The following FNIP2 variants were observed in gnomAD, a reference collection of about 807,000 sequenced individuals.
FNIP2 encodes the protein folliculin interacting protein 2, also known as folliculin-interacting protein 2.
FNIP2 carries 32 observed loss-of-function variants against 108.7 expected under a neutral mutation model. That is an observed-to-expected ratio of 0.29 (90% confidence interval 0.22 to 0.40). The LOEUF (loss-of-function observed/expected upper bound fraction) is 0.40. Among genes scored for constraint, FNIP2 ranks in the 10% least tolerant of loss-of-function variants. The probability of loss-of-function intolerance (pLI) is 1.00; values close to 1 mark genes in which losing one functional copy is unlikely to be tolerated. For missense variants in FNIP2, 1,202 were observed against 1,381.6 expected (o/e 0.87, Z 2.06); for synonymous variants, 480 against 496.7 (o/e 0.97, Z 0.45).
At chr4:158,881,575 C>G (rs1157800855) in intron 14 of FNIP2, among the ~76,000 whole-genome samples, 2 of 151,896 alleles carry the variant, frequency 1.3e-5, no homozygotes, top group African/African-American at 4.8e-5. Context: ...CTCAGCCTGC[C>G]AAGTGCCTGT....
intron 16 of FNIP2, among the ~76,000 whole-genome samples, chr4:158,897,219 A>G (rs1400772957): frequency 1.3e-5 from 2 of 151,978 alleles, no homozygotes; most frequent in African/African-American, 2.4e-5. Context: ...TATGTGCCAC[A>G]TTTTCTTTAT....
chr4:158,858,980 A>G, intron 8 of FNIP2, 77 bp from the exon 9 acceptor site: 3 of 1,177,268 alleles, frequency 2.5e-6, no homozygotes, highest in Non-Finnish European at 3.7e-6. Flanking sequence ...TCTGGGTGTC[A>G]TCCCCAGTCA....
intron 12 of FNIP2, among the ~76,000 whole-genome samples, chr4:158,865,884 T>C (rs1780547875): frequency 6.6e-6 from 1 of 152,110 alleles, no homozygotes; most frequent in African/African-American, 2.4e-5. Context: ...TATAATCTAG[T>C]CATTTTATAG....
chr4:158,868,615 A>T lies in FNIP2; in HGVS notation c.1979A>T (p.Asp660Val), dbSNP rs367667924. The T allele has an allele frequency of 6.2e-7, 1 of 1,613,940 alleles. No individual in the cohort carries two copies. Among genetic ancestry groups the T allele is most frequent in the Non-Finnish European group, 8.5e-7 (1 of 1,179,852 alleles). ...GAGAAAAATAAAGAGGCACCGCAAG[A>T]TGGCTCTTCAAGACTTCCCAGCTGT... ...GDEKNKEAPQ[D>V]GSSRLPSCEV... The change falls in exon 13 of 17, where the codon GAT (aspartate) becomes GTT (valine). Residue 660 changes from aspartate to valine, a missense_variant. By Grantham distance (152) the Asp-to-Val change is radical. Around this residue, in one of 5 missense-constraint regions of FNIP2, gnomAD observed 878 missense variants for 990.3 expected, o/e 0.89. Transcript: ENST00000264433. This position sits in a 1 kb window ranked among gnomAD's most constrained non-coding sequence, Gnocchi z 4.6.
intron 16 of FNIP2, among the ~76,000 whole-genome samples, chr4:158,903,453 C>T (rs776685576): frequency 2.0e-5 from 3 of 152,166 alleles, no homozygotes; most frequent in Non-Finnish European, 4.4e-5. Flanking sequence ...TTTCCATTGC[C>T]AAATGTGTGC....
intron 1 of FNIP2, among the ~76,000 whole-genome samples, chr4:158,815,286 T>C (rs1421303188): frequency 1.3e-5 from 2 of 152,184 alleles, no homozygotes; most frequent in African/African-American, 2.4e-5. Context: ...GCTGTTTTGA[T>C]GGATGTTTAT....
In FNIP2 at chr4:158,870,424, G is replaced by A; in HGVS notation, c.2904G>A (p.Glu968=). Residue 968 remains glutamate (E), a synonymous_variant, in exon 14 of 17, where the codon GAG becomes GAA. Transcript: ENST00000264433. ...DLVLHGTGSD[E]KLKQCLVADL... ...TGCTTCATGGGACCGGCAGTGATGA[G>A]AAGCTGAAGCAGTGCCTGGTGGCCG... 2.5e-6 allele frequency: 4 copies of A among 1,614,030 alleles called. No homozygotes were observed. Among genetic ancestry groups the A allele is most frequent in the Non-Finnish European group, 3.4e-6 (4 of 1,179,882 alleles).
At chr4:158,876,941 C>T (rs1781315894) in intron 14 of FNIP2, among the ~76,000 whole-genome samples, 1 of 152,198 alleles carries the variant, frequency 6.6e-6, no homozygotes, top group African/African-American at 2.4e-5. Context: ...TCTTGGGCTT[C>T]ATGTCTCTTG....
At chr4:158,852,006 C>T (rs1328862653) in intron 8 of FNIP2, among the ~76,000 whole-genome samples, 1 of 152,112 alleles carries the variant, frequency 6.6e-6, no homozygotes, top group Non-Finnish European at 1.5e-5. Context: ...ACTTGTTCTT[C>T]CTACAATCCA....
chr4:158,877,074 T>C (rs937231299), intron 14 of FNIP2, among the ~76,000 whole-genome samples: 1 of 152,218 alleles, frequency 6.6e-6, no homozygotes, highest in Non-Finnish European at 1.5e-5. Context: ...TCTCTCATTT[T>C]ATTTTGGAGT....
At chr4:158,845,484 G>A (rs938088744) in intron 7 of FNIP2, among the ~76,000 whole-genome samples, 19 of 152,290 alleles carry the variant, frequency 1.2e-4, no homozygotes, top group African/African-American at 4.1e-4. Flanking sequence ...AGGCTCAAGC[G>A]ATCCTCTGGG....
chr4:158,889,805 CT>C (rs35673623), intron 14 of FNIP2: 306,615 of 838,164 alleles, frequency 0.37, 12,830 homozygotes, highest in Non-Finnish European at 0.38. Context: ...TTCAAATTTC[CT>C]TTTTTTTTTT....
intron 14 of FNIP2, chr4:158,890,351 C>A: frequency 1.0e-6 from 1 of 984,970 alleles, no homozygotes; most frequent in Non-Finnish European, 1.2e-6. Flanking sequence ...TCCTACTATT[C>A]CCCCTTGGAT....
At chr4:158,869,833 C>T (rs1046864332) in intron 13 of FNIP2, among the ~76,000 whole-genome samples, 4 of 152,194 alleles carry the variant, frequency 2.6e-5, no homozygotes, top group Non-Finnish European at 4.4e-5. Flanking sequence ...TCTCTCCTGC[C>T]GATCAGAGCA....
chr4:158,798,236 A>G (rs1201015073), intron 1 of FNIP2, among the ~76,000 whole-genome samples: 1 of 151,760 alleles, frequency 6.6e-6, no homozygotes, highest in Non-Finnish European at 1.5e-5. Flanking sequence ...GATTACTTTT[A>G]AATTTCTTAC....
chr4:158,824,929 T>C (rs192922434), intron 1 of FNIP2, among the ~76,000 whole-genome samples: 44 of 152,356 alleles, frequency 2.9e-4, no homozygotes, highest in Admixed American at 2.9e-3. Flanking sequence ...TCTGTCCCTT[T>C]CCCCTACCCC....
Position 158,861,374 on chromosome 4 carries a change from G to C in FNIP2, c.1181G>C (p.Arg394Thr). Residue 394 changes from arginine to threonine, a missense_variant, in exon 11 of 17, where the codon AGG becomes ACG. Around this residue, in one of 5 missense-constraint regions of FNIP2, gnomAD observed 878 missense variants for 990.3 expected, o/e 0.89. Transcript: ENST00000264433. ...GTIWNLYSVPRIAEPVWLTMM... is the reference protein window; with the variant it reads ...GTIWNLYSVPTIAEPVWLTMM... Reference sequence around the variant, plus strand: ...ATCTGGAACTTATATTCTGTTCCAAGGATAGCTGAACCTGTATGGCTTACT... The same window carrying C: ...ATCTGGAACTTATATTCTGTTCCAACGATAGCTGAACCTGTATGGCTTACT... 1 of 1,613,900 alleles carries C rather than the reference G, an allele frequency of 6.2e-7. No individual in the cohort carries two copies. The highest frequency in any genetic ancestry group is 8.5e-7 in the Non-Finnish European group (1 of 1,179,864).
At chr4:158,845,104 G>A (rs1343819140) in intron 7 of FNIP2, among the ~76,000 whole-genome samples, 1 of 152,192 alleles carries the variant, frequency 6.6e-6, no homozygotes. Flanking sequence ...CAAAGTCTTT[G>A]CAACCTATAT....
intron 14 of FNIP2, among the ~76,000 whole-genome samples, chr4:158,884,528 C>T (rs771156311): frequency 1.3e-5 from 2 of 152,102 alleles, no homozygotes; most frequent in Non-Finnish European, 2.9e-5. Flanking sequence ...GATGGACTCA[C>T]GCCAGGTCCT....
Sources: allele counts gnomAD v4.1 joint callset (sites outside exome capture counted in the v4.1 genomes callset), GRCh38; gene constraint gnomAD v4.1.1; regional missense constraint gnomAD v4.1.1; non-coding constraint Gnocchi (gnomAD v3.1); transcripts MANE v1.5; gene names NCBI Gene and HGNC (gene_info 2026-07-23, HGNC 2026-07-21).